Variants in NCALD observed in about 807,000 individuals in gnomAD.
The protein encoded by NCALD is neurocalcin delta, also known as neurocalcin-delta.
A neutral mutation model predicts 18.6 loss-of-function variants in NCALD; 10 were observed. The ratio of observed to expected loss-of-function variants is 0.54; its 90% confidence interval spans 0.33 to 0.91. The LOEUF (loss-of-function observed/expected upper bound fraction) is 0.91. Among genes scored for constraint, NCALD ranks in the 40% least tolerant of loss-of-function variants. The pLI is 0.03. For synonymous variants in NCALD, 88 were observed against 87.4 expected, an observed-to-expected ratio of 1.01 and a Z score of -0.04; for missense variants, 184 against 247.6, an observed-to-expected ratio of 0.74 and a Z score of 1.72.
At chr8:101,822,661 C>G (rs1170928530) in intron 4 of NCALD, among the ~76,000 whole-genome samples, 1 of 152,196 alleles carries the variant, frequency 6.6e-6, no homozygotes, top group Non-Finnish European at 1.5e-5. Flanking sequence ...ACAGCAGCAG[C>G]AGTAGCAGCA....
At chr8:101,710,549 G>A (rs1190951529) in intron 2 of NCALD, among the ~76,000 whole-genome samples, 1 of 152,236 alleles carries the variant, frequency 6.6e-6, no homozygotes, top group Non-Finnish European at 1.5e-5. Context: ...GCAGTCTGAT[G>A]TTGACCTGGG....
At chr8:102,014,777 T>C (rs989148258) in intron 2 of NCALD, among the ~76,000 whole-genome samples, 2 of 152,128 alleles carry the variant, frequency 1.3e-5, no homozygotes, top group Admixed American at 6.5e-5. Context: ...TCTCATTAAA[T>C]ACAAAGTCGA....
intron 1 of NCALD, among the ~76,000 whole-genome samples, chr8:102,097,743 T>C (rs1825150225): frequency 1.3e-5 from 2 of 152,250 alleles, no homozygotes; most frequent in Admixed American, 1.3e-4. Context: ...CTTCCTGCTC[T>C]CTGCTCTGAC....
At chr8:102,091,194 G>T (rs1434211352) in intron 1 of NCALD, among the ~76,000 whole-genome samples, 1 of 152,118 alleles carries the variant, frequency 6.6e-6, no homozygotes, top group African/African-American at 2.4e-5. Flanking sequence ...AATTTAAAGA[G>T]CTTATGTGAA....
intron 2 of NCALD, among the ~76,000 whole-genome samples, chr8:101,714,667 A>G (rs887633313): frequency 6.6e-6 from 1 of 152,198 alleles, no homozygotes; most frequent in Non-Finnish European, 1.5e-5. Context: ...AAACCAAAAA[A>G]GAGCCTGTAT....
chr8:102,082,861 C>T, intron 1 of NCALD, among the ~76,000 whole-genome samples: 2 of 152,326 alleles, frequency 1.3e-5, no homozygotes, highest in Middle Eastern at 3.4e-3. Flanking sequence ...ATTAGGTCTG[C>T]CTCTCAGTCC....
At chr8:102,018,133 G>A (rs539052820) in intron 2 of NCALD, among the ~76,000 whole-genome samples, 3 of 152,244 alleles carry the variant, frequency 2.0e-5, no homozygotes, top group African/African-American at 4.8e-5. Flanking sequence ...ATTGCTGATT[G>A]GAATGTAAAA....
chr8:102,107,593 A>T (rs945139213), intron 1 of NCALD, among the ~76,000 whole-genome samples: 1 of 152,154 alleles, frequency 6.6e-6, no homozygotes, highest in Non-Finnish European at 1.5e-5. Context: ...AAGTAAAGGG[A>T]CATTCTCATG....
At chr8:101,879,049 G>A (rs1410677466) in intron 4 of NCALD, among the ~76,000 whole-genome samples, 1 of 152,190 alleles carries the variant, frequency 6.6e-6, no homozygotes, top group African/African-American at 2.4e-5. Context: ...ACTTCTACAG[G>A]AGCTGGACAT....
intron 3 of NCALD, among the ~76,000 whole-genome samples, chr8:101,892,638 C>T (rs7831243): frequency 0.021 from 3,120 of 149,176 alleles, 210 homozygotes; most frequent in African/African-American, 0.073. Context: ...GAATGTATAA[C>T]TAGAATAACC....
chr8:102,024,102 T>G (rs1045656415), intron 1 of NCALD, among the ~76,000 whole-genome samples: 19 of 152,330 alleles, frequency 1.2e-4, no homozygotes, highest in Admixed American at 5.9e-4. Context: ...ATGTTGTACT[T>G]GTATATTTCA....
intron 2 of NCALD, among the ~76,000 whole-genome samples, chr8:101,994,730 T>C (rs1307656407): frequency 2.0e-5 from 3 of 152,214 alleles, no homozygotes; most frequent in African/African-American, 7.2e-5. Context: ...TCCCCAAGGC[T>C]CATTACTCTC....
intron 2 of NCALD, among the ~76,000 whole-genome samples, chr8:101,935,778 A>AGATTCTTTTTT: frequency 6.8e-6 from 1 of 147,636 alleles, no homozygotes; most frequent in African/African-American, 2.5e-5. Context: ...GAGGATCAAG[A>AGATTCTTTTTT]GATTCTTTTT....
chr8:102,003,973 C>T (rs1257979438), intron 2 of NCALD, among the ~76,000 whole-genome samples: 1 of 151,698 alleles, frequency 6.6e-6, no homozygotes. Flanking sequence ...TGGCACAAGA[C>T]AGGGATGCCC....
chr8:101,806,138 G>A (rs1449577866), intron 4 of NCALD, among the ~76,000 whole-genome samples: 1 of 151,980 alleles, frequency 6.6e-6, no homozygotes, highest in Non-Finnish European at 1.5e-5. Flanking sequence ...GCAGTGTAGG[G>A]AAAATAGACC....
At chr8:101,734,913 C>T (rs1817006441) in intron 1 of NCALD, among the ~76,000 whole-genome samples, 2 of 152,150 alleles carry the variant, frequency 1.3e-5, no homozygotes, top group Admixed American at 1.3e-4. Context: ...TGAGTTTGCT[C>T]TGAATGGGTC....
chr8:102,039,190 A>G (rs1482560294), intron 1 of NCALD, among the ~76,000 whole-genome samples: 1 of 152,132 alleles, frequency 6.6e-6, no homozygotes, highest in Non-Finnish European at 1.5e-5. Flanking sequence ...GGACCTAGCT[A>G]GCCTGTGCTA....
intron 2 of NCALD, among the ~76,000 whole-genome samples, chr8:101,927,048 T>TGG (rs1818360939): frequency 6.6e-6 from 1 of 152,156 alleles, no homozygotes; most frequent in African/African-American, 2.4e-5. Context: ...GCTTCCTCCT[T>TGG]CACTCTGAGT....
At chr8:102,017,477 G>A (rs1822125951) in intron 2 of NCALD, among the ~76,000 whole-genome samples, 1 of 152,186 alleles carries the variant, frequency 6.6e-6, no homozygotes. Flanking sequence ...ACTTTGGGAG[G>A]CCAAGGTGGG....
Sources: allele counts gnomAD v4.1 joint callset (sites outside exome capture counted in the v4.1 genomes callset), GRCh38; gene constraint gnomAD v4.1.1; transcripts MANE v1.5; gene names NCBI Gene and HGNC (gene_info 2026-07-23, HGNC 2026-07-21).